The following RPP30 variants were observed in gnomAD, a reference collection of about 807,000 sequenced individuals.
RPP30 encodes the protein ribonuclease P protein subunit p30.
In RPP30, 36 loss-of-function variants were observed where a neutral mutation model predicts 38.6. That is an observed-to-expected ratio of 0.93 (90% CI 0.71 to 1.23). The LOEUF (loss-of-function observed/expected upper bound fraction) is 1.23. Among genes scored for constraint, RPP30 ranks in the 50% most tolerant of loss-of-function variants. The pLI is 0.00. For synonymous variants in RPP30, 126 were observed against 112.7 expected, an observed-to-expected ratio of 1.12 and a Z score of -0.75; for missense variants, 321 against 321.7, an observed-to-expected ratio of 1.00 and a Z score of 0.02.
In RPP30 at chr10:90,900,676, C is replaced by A. The variant is rs142111164; in HGVS notation, c.804C>A (p.Gly268=). 2.6e-5 allele frequency: 42 copies of A among 1,613,014 alleles called. No individual in the cohort carries two copies. In the African/African-American group the frequency reaches 5.3e-4, roughly 20 times the overall value. Residue 268 remains glycine, a synonymous_variant, in exon 11 of 11, where the codon GGC becomes GGA. Coordinates refer to ENST00000371703, the MANE Select transcript of RPP30 (RefSeq NM_006413.5). ...CTTCCAAGAAAGCCAAGTGTGAGGG[C>A]TGAAAAGAATGCCCCAGTCTCTGTC... ...LPASKKAKCE[G]
chr10:90,890,781 A>G (rs1195611856), intron 6 of RPP30, among the ~76,000 whole-genome samples: 1 of 151,558 alleles, frequency 6.6e-6, no homozygotes, highest in Non-Finnish European at 1.5e-5. Context: ...TATTCCCTTA[A>G]CACATAAAGA....
At chr10:90,891,350 C>T (rs1055928501) in intron 6 of RPP30, among the ~76,000 whole-genome samples, 2 of 152,306 alleles carry the variant, frequency 1.3e-5, no homozygotes, top group African/African-American at 2.4e-5. Context: ...ACATGGCCAT[C>T]GTCTCATAAG....
intron 6 of RPP30, among the ~76,000 whole-genome samples, chr10:90,889,493 A>G (rs1047627549): frequency 6.6e-6 from 1 of 150,982 alleles, no homozygotes; most frequent in Non-Finnish European, 1.5e-5. Flanking sequence ...TTTTATTTTT[A>G]ATAGAGTTGG....
Position 90,901,162 on chromosome 10 carries a change from T to TC in RPP30, c.*486dup, listed in dbSNP as rs765848064. The TC allele has an allele frequency of 3.5e-4, 72 of 205,178 alleles. No homozygotes were observed. Among genetic ancestry groups the TC allele is most frequent in the Non-Finnish European group, 4.8e-4 (61 of 128,244 alleles). The allele number at this position is 205,178 out of a possible 1,614,324, so 12.7% of individuals were successfully genotyped here. A position where few individuals can be genotyped will look rare whatever the true frequency, so the allele number is the denominator to read the frequency against. On this transcript the variant is annotated 3_prime_UTR_variant, in exon 11 of 11. Coordinates refer to ENST00000371703, the MANE Select transcript of RPP30 (RefSeq NM_006413.5). The stretch of plus-strand genomic sequence containing the variant: ...GCTATTTTTTTTTTTTTTTTTTTTT[T>TC]CCCTTGTAGAGACATGGTCTCACTA...
rs781638278 is a variant in RPP30 at position 90,895,956 on chromosome 10, T to G, written c.617+39T>G. 24 of 1,527,836 alleles carry G rather than the reference T, an allele frequency of 1.6e-5. No homozygotes were observed. In the South Asian group the frequency reaches 2.6e-4, roughly 17 times the overall value. 94.6% of individuals were successfully genotyped at this position (1,527,836 alleles called of 1,614,324 possible). A position where few individuals can be genotyped will look rare whatever the true frequency, so the allele number is the denominator to read the frequency against. ...AGTAAAAAGTTGTTGACATTGTCTT[T>G]CAGGAAATTTTGAATTTGAAGTCGT... is the stretch of plus-strand genomic sequence containing the variant. On this transcript the variant is annotated intron_variant, in intron 9 of 10. Coordinates refer to ENST00000371703, the MANE Select transcript of RPP30 (RefSeq NM_006413.5).
In RPP30 at chr10:90,878,880, T is replaced by C. The variant is rs899991479; in HGVS notation, c.271-183T>C. The stretch of plus-strand genomic sequence containing the variant: ...GAAGGAAGGAGAATGATTGGTGAGA[T>C]GGATATTTGTATCTAAATTCTCATG... On this transcript the variant is annotated intron_variant, in intron 4 of 10. Transcript: ENST00000371703. Among the ~76,000 whole-genome samples, 5 of 152,212 alleles carry C rather than the reference T, an allele frequency of 3.3e-5. No homozygotes were observed. The South Asian group carries it at 1.0e-3, about 32-fold the overall frequency.
At chr10:90,904,738 G>A (rs947235421), downstream of RPP30, among the ~76,000 whole-genome samples, 2 of 152,166 alleles carry the variant, frequency 1.3e-5, no homozygotes, top group African/African-American at 4.8e-5. Flanking sequence ...CTTGAACCCG[G>A]GAGGTAGAGG....
chr10:90,900,250 A>G (rs979107919), intron 10 of RPP30, among the ~76,000 whole-genome samples: 5 of 152,240 alleles, frequency 3.3e-5, no homozygotes, highest in Admixed American at 6.5e-5. Context: ...TCTGTCTACC[A>G]TATATAAAGT....
At chr10:90,902,253 T>C (rs898828574), downstream of RPP30, 9 of 570,112 alleles carry the variant, frequency 1.6e-5, no homozygotes, top group East Asian at 1.2e-3. Context: ...GGTCTCACTC[T>C]GTCACCCAGG....
At position 90,885,535 on chromosome 10, in the gene RPP30, T is replaced by C. The variant is rs193179283; in HGVS notation, c.343-277T>C. Among the ~76,000 whole-genome samples, 16 of 152,364 alleles carry C rather than the reference T, an allele frequency of 1.1e-4. No individual in the cohort carries two copies. In the East Asian group the frequency reaches 3.1e-3, roughly 29 times the overall value. ...AGCCTCGCTCTGCAACCCATCCTTA[T>C]GTAGAAGACCATATGAGTTAGAGAG... On this transcript the variant is annotated intron_variant, in intron 5 of 10. Coordinates refer to ENST00000371703, the MANE Select transcript of RPP30 (RefSeq NM_006413.5).
intron 10 of RPP30, among the ~76,000 whole-genome samples, chr10:90,897,943 A>G (rs1329581282): frequency 2.0e-5 from 3 of 152,162 alleles, no homozygotes; most frequent in African/African-American, 7.2e-5. Context: ...CAATCCAATT[A>G]TGCTTTTTTA....
At position 90,896,393 on chromosome 10, in the gene RPP30, G is replaced by A; in HGVS notation, c.697+1G>A. 6.2e-7 allele frequency: 1 copy of A among 1,613,004 alleles called. No individual in the cohort carries two copies. The highest frequency in any genetic ancestry group is 8.5e-7 in the Non-Finnish European group (1 of 1,179,018). On this transcript the variant is annotated splice_donor_variant, in intron 10 of 10. Transcript: ENST00000371703. LOFTEE classifies it high-confidence loss of function. ...TGCCGAGCAGCGCTTCTCCATGGAG[G>A]TAAGCAAGTTCTTCCAGTACAAACT...
chr10:90,875,799 C>G, intron 3 of RPP30, among the ~76,000 whole-genome samples, 185 bp downstream of exon 3: 1 of 152,178 alleles, frequency 6.6e-6, no homozygotes. Context: ...TGATGATCTT[C>G]TTTCCTGAAG....
At chr10:90,884,502 C>T (rs931105439) in intron 5 of RPP30, among the ~76,000 whole-genome samples, 1 of 152,158 alleles carries the variant, frequency 6.6e-6, no homozygotes, top group African/African-American at 2.4e-5. Context: ...TTTTCTTCAT[C>T]CACTCTTATT....
intron 6 of RPP30, among the ~76,000 whole-genome samples, chr10:90,889,304 CTT>C (rs59640704): frequency 3.8e-4 from 41 of 106,534 alleles, no homozygotes; most frequent in African/African-American, 5.4e-4. Context: ...ATAAGGATTA[CTT>C]TTTTTTTTTT....
intron 6 of RPP30, among the ~76,000 whole-genome samples, chr10:90,891,165 A>G (rs1847077541): frequency 1.3e-5 from 2 of 152,230 alleles, no homozygotes. Context: ...CAAGTCTGAA[A>G]TCAAGGTGTC....
downstream of RPP30, among the ~76,000 whole-genome samples, chr10:90,904,641 C>T (rs1847234864): frequency 6.6e-6 from 1 of 152,022 alleles, no homozygotes; most frequent in Admixed American, 6.6e-5. Flanking sequence ...GGCAAAACCC[C>T]GTCTCTACTA....
intron 6 of RPP30, among the ~76,000 whole-genome samples, chr10:90,889,841 C>T (rs1489316260): frequency 6.6e-6 from 1 of 152,126 alleles, no homozygotes; most frequent in African/African-American, 2.4e-5. Flanking sequence ...TTCAATTATG[C>T]AATTTCCTCT....
At chr10:90,902,200 C>A, downstream of RPP30, 1 of 834,810 alleles carries the variant, frequency 1.2e-6, no homozygotes, top group Non-Finnish European at 1.5e-6. Flanking sequence ...TGCATCATGA[C>A]CAGGTGAAAT....
Sources: gnomAD v4.1 joint callset for allele counts (sites outside exome capture counted in the v4.1 genomes callset) on GRCh38, gnomAD v4.1.1 for gene constraint, MANE v1.5 for transcripts, NCBI Gene and HGNC (gene_info 2026-07-23, HGNC 2026-07-21) for gene names.